The following ZNF585A variants were observed in gnomAD, a reference collection of about 807,000 sequenced individuals.
The protein encoded by ZNF585A is zinc finger protein 585A.
In ZNF585A, 9 loss-of-function variants were observed where a neutral mutation model predicts 14.9. The observed-to-expected ratio is 0.60, with a 90% CI of 0.36 to 1.05. ZNF585A has a LOEUF of 1.05. ZNF585A is among the 50% of genes least tolerant of loss of function. ZNF585A has a pLI of 0.01. For missense variants in ZNF585A, 726 were observed against 926.4 expected, an observed-to-expected ratio of 0.78 and a Z score of 2.81; for synonymous variants, 276 against 319.9, an observed-to-expected ratio of 0.86 and a Z score of 1.46.
rs1452830266 is a variant in ZNF585A, at chr19:37,148,712, C to T, written c.*2877G>A. ...CAGTTATGTCCACACAAAAAGCCTG[C>T]ACAGATATTTATAACAGCTTTCCTC... On this transcript the variant is annotated 3_prime_UTR_variant, in exon 5 of 5. Coordinates refer to ENST00000292841, the MANE Select transcript of ZNF585A (RefSeq NM_001288800.2). 6.6e-6 allele frequency: 1 copy of T among 152,104 alleles called. No homozygotes were observed. The highest frequency in any genetic ancestry group is 6.5e-5 in the Admixed American group (1 of 15,270). The allele number at this position is 152,104 out of a possible 1,614,324, so 9.4% of individuals were successfully genotyped here. A position where few individuals can be genotyped will look rare whatever the true frequency, so the allele number is the denominator to read the frequency against.
In ZNF585A at chr19:37,170,066, A is replaced by G. The variant is rs1181961513; in HGVS notation, c.-144-12T>C. ...AGACACCCAGAAACCTGGAAAGACA[A>G]TGTTCCCATAGTCAGTCATTTCACA... On this transcript the variant is annotated splice_polypyrimidine_tract_variant and intron_variant, in intron 1 of 4. Coordinates refer to ENST00000292841, the MANE Select transcript of ZNF585A (RefSeq NM_001288800.2). The G allele has an allele frequency of 4.0e-6, 3 of 747,960 alleles. No individual in the cohort carries two copies. The highest frequency in any genetic ancestry group is 6.4e-6 in the Non-Finnish European group (3 of 467,286). The allele number at this position is 747,960 out of a possible 1,614,324, so 46.3% of individuals were successfully genotyped here.
At chr19:37,160,635 C>T (rs1461687310) in intron 2 of ZNF585A, among the ~76,000 whole-genome samples, 2 of 151,616 alleles carry the variant, frequency 1.3e-5, no homozygotes, top group Non-Finnish European at 2.9e-5. Flanking sequence ...GATGCAGCAG[C>T]CATTTAAAAT....
intron 2 of ZNF585A, among the ~76,000 whole-genome samples, chr19:37,157,458 G>A (rs1971949168): frequency 6.6e-6 from 1 of 152,152 alleles, no homozygotes; most frequent in South Asian, 2.1e-4. Context: ...TAAAAAAGAA[G>A]ACATAACAAA....
At chr19:37,161,628 G>A (rs1049745407) in intron 2 of ZNF585A, among the ~76,000 whole-genome samples, 10 of 151,924 alleles carry the variant, frequency 6.6e-5, no homozygotes, top group Non-Finnish European at 1.0e-4. Flanking sequence ...TCTGCCACCC[G>A]AGCCAGCAAA....
At chr19:37,171,622 C>T (rs966856219) in intron 1 of ZNF585A, among the ~76,000 whole-genome samples, 2 of 152,102 alleles carry the variant, frequency 1.3e-5, no homozygotes, top group African/African-American at 4.8e-5. Context: ...GCACATATGC[C>T]GGGCGCAGTG....
chr19:37,153,607 C>T lies in ZNF585A; in HGVS notation c.293-1G>A, dbSNP rs1971877433. The T allele has an allele frequency of 1.2e-6, 2 of 1,603,528 alleles. No homozygotes were observed. The highest frequency in any genetic ancestry group is 1.1e-5 in the South Asian group (1 of 90,104). ...TGATTATGGTCCCATAATTTCTCTC[C>T]TGTTGGAATACACTCATGGTTACTA... On this transcript the variant is annotated splice_acceptor_variant, in intron 4 of 4. Coordinates refer to ENST00000292841, the MANE Select transcript of ZNF585A (RefSeq NM_001288800.2). LOFTEE classifies it high-confidence loss of function.
rs754572050 is a variant in ZNF585A, at chr19:37,153,260, G to T, written c.639C>A (p.Leu213=). Residue 213 remains leucine, a synonymous_variant, in exon 5 of 5, where the codon CTC becomes CTA. Transcript: ENST00000292841. ...CTTTCCCACACTGGCTGCATTCATA[G>T]AGTTTCTCTCCGGTATGAATTCTCT... ...RHQRIHTGEK[L]YECSQCGKGF... 3 of 1,614,116 alleles carry T rather than the reference G, an allele frequency of 1.9e-6. No individual in the cohort carries two copies. Among genetic ancestry groups the T allele is most frequent in the Non-Finnish European group, 2.5e-6 (3 of 1,180,012 alleles).
intron 2 of ZNF585A, among the ~76,000 whole-genome samples, chr19:37,159,783 A>C (rs1271616857): frequency 6.6e-6 from 1 of 152,200 alleles, no homozygotes; most frequent in African/African-American, 2.4e-5. Context: ...ATAACAAACA[A>C]AAACAACCTA....
rs544042420 is a variant in ZNF585A, at chr19:37,169,864, G to A, written c.47C>T (p.Pro16Leu). 1.5e-5 allele frequency: 25 copies of A among 1,613,250 alleles called. No individual in the cohort carries two copies. In the East Asian group the frequency reaches 5.1e-4, roughly 33 times the overall value. Residue 16 changes from proline to leucine, a missense_variant, in exon 2 of 5, where the codon CCA (proline) becomes CTA (leucine). Physicochemically the swap from Pro to Leu is moderately conservative, Grantham distance 98 (BLOSUM62 -3). This residue lies in a region of ZNF585A where 483 missense variants were observed against 542.8 expected (regional missense o/e 0.89). Transcript: ENST00000292841. ...CTCATAGGAGCTGCCATGATCCTCTGGAGCCAGGGCTGAGGATTTCTGAGG... is the reference window on the plus strand; with the variant it reads ...CTCATAGGAGCTGCCATGATCCTCTAGAGCCAGGGCTGAGGATTTCTGAGG... ...TSPQKSSALA[P>L]EDHGSSYEGS... is the part of the protein sequence containing the mutation.
At chr19:37,166,520 G>C (rs907444232) in intron 2 of ZNF585A, among the ~76,000 whole-genome samples, 8 of 148,724 alleles carry the variant, frequency 5.4e-5, no homozygotes, top group African/African-American at 2.0e-4. Flanking sequence ...CACCACGTTG[G>C]CCAGGATGGT....
In ZNF585A at chr19:37,152,309, G is replaced by A; in HGVS notation, c.1590C>T (p.Ala530=). ...KPYECNTCGK[A]FTQKSHLNIH... is the part of the protein sequence containing the mutation. ...TATTGAGGTGTGACTTCTGAGTGAA[G>A]GCTTTTCCACAAGTATTGCATTCAT... The change falls in exon 5 of 5, where the codon GCC becomes GCT. Residue 530 remains alanine, a synonymous_variant. Transcript: ENST00000292841. 1 of 1,614,144 alleles carries A rather than the reference G, an allele frequency of 6.2e-7. No homozygotes were observed. Among genetic ancestry groups the A allele is most frequent in the Non-Finnish European group, 8.5e-7 (1 of 1,180,028 alleles).
At chr19:37,169,022 C>T (rs73622787) in intron 2 of ZNF585A, among the ~76,000 whole-genome samples, 1,544 of 152,276 alleles carry the variant, frequency 0.01, 26 homozygotes, top group African/African-American at 0.035. Flanking sequence ...AATTTGTTTC[C>T]TATAACACTT....
intron 1 of ZNF585A, among the ~76,000 whole-genome samples, chr19:37,171,056 A>G (rs1972173240): frequency 6.6e-6 from 1 of 152,250 alleles, no homozygotes; most frequent in African/African-American, 2.4e-5. Context: ...CATAAATGGC[A>G]GTGATATAAT....
chr19:37,165,032 T>C (rs893488071), intron 2 of ZNF585A, among the ~76,000 whole-genome samples: 20 of 152,274 alleles, frequency 1.3e-4, no homozygotes, highest in Admixed American at 1.2e-3. Flanking sequence ...GTAAATGGTA[T>C]TTAAAGATTT....
intron 2 of ZNF585A, among the ~76,000 whole-genome samples, chr19:37,161,282 G>A (rs1386584350): frequency 3.3e-5 from 5 of 151,822 alleles, no homozygotes; most frequent in Admixed American, 6.6e-5. Flanking sequence ...AAAGAATCAC[G>A]TACCACAATA....
chr19:37,156,234 G>A lies in ZNF585A; in HGVS notation c.194C>T (p.Ser65Leu), dbSNP rs750459017. The A allele has an allele frequency of 1.6e-5, 26 of 1,613,966 alleles. 1 individual carries two copies. Among genetic ancestry groups the A allele is most frequent in the African/African-American group, 2.7e-5 (2 of 74,918 alleles). The change falls in exon 3 of 5, where the codon TCA becomes TTA. Residue 65 changes from serine to leucine, a missense_variant. Ser to Leu is a moderately radical substitution (Grantham distance 145). This residue lies in a region of ZNF585A where 483 missense variants were observed against 542.8 expected (regional missense o/e 0.89). Coordinates refer to ENST00000292841, the MANE Select transcript of ZNF585A (RefSeq NM_001288800.2). The part of the protein sequence containing the change: ...VMLETYSHLL[S>L]VGYQVPEAEV... ...ACCAAGGTGACTGTGCTTACCTACT[G>A]AGAGCAGGTGGCTGTAGGTCTCCAG...
chr19:37,153,473 C>T lies in ZNF585A; in HGVS notation c.426G>A (p.Lys142=). The T allele has an allele frequency of 6.2e-7, 1 of 1,614,182 alleles. No individual in the cohort carries two copies. Among genetic ancestry groups the T allele is most frequent in the Non-Finnish European group, 8.5e-7 (1 of 1,180,030 alleles). ...CAKFEKIFTQ[K]SQLKVHLKVL... ...CTTTCAGGTGTACTTTGAGCTGTGA[C>T]TTCTGGGTGAATATCTTTTCAAATT... Residue 142 remains lysine, a synonymous_variant, in exon 5 of 5, where the codon AAG becomes AAA. Coordinates refer to ENST00000292841, the MANE Select transcript of ZNF585A (RefSeq NM_001288800.2).
At chr19:37,158,970 AG>A (rs1971971251) in intron 2 of ZNF585A, among the ~76,000 whole-genome samples, 1 of 152,164 alleles carries the variant, frequency 6.6e-6, no homozygotes, top group African/African-American at 2.4e-5. Flanking sequence ...AGAATGGGCC[AG>A]GTGTGGTGGC....
intron 4 of ZNF585A, among the ~76,000 whole-genome samples, chr19:37,154,002 G>A (rs189936466): frequency 2.0e-5 from 3 of 152,166 alleles, no homozygotes; most frequent in Admixed American, 1.3e-4. Context: ...CAGAGATTCC[G>A]TGCTATAAGG....
Sources: gnomAD v4.1 joint callset for allele counts (sites outside exome capture counted in the v4.1 genomes callset) on GRCh38, gnomAD v4.1.1 for gene constraint, gnomAD v4.1.1 regional missense constraint, MANE v1.5 for transcripts, NCBI Gene and HGNC (gene_info 2026-07-23, HGNC 2026-07-21) for gene names.